SLC4A7: variants seen among roughly 807,000 people sequenced by gnomAD.
The protein encoded by SLC4A7 is solute carrier family 4 member 7.
SLC4A7 carries 51 observed loss-of-function variants against 137.6 expected under a neutral mutation model. The ratio of observed to expected loss-of-function variants is 0.37; its 90% CI spans 0.30 to 0.47. SLC4A7 has a LOEUF of 0.47. Among genes scored for constraint, SLC4A7 ranks in the 20% least tolerant of loss-of-function variants. The pLI, the probability that SLC4A7 is intolerant of heterozygous loss-of-function variation, is 1.00. For synonymous variants in SLC4A7, 542 were observed against 518.6 expected (o/e 1.05, Z -0.61); for missense variants, 1,247 against 1,525.4 (o/e 0.82, Z 3.04).
chr3:27,461,208 G>GCACACA lies in SLC4A7; in HGVS notation c.61-8716_61-8711dup, dbSNP rs57056562. On this transcript the variant is annotated intron_variant, in intron 1 of 25. Coordinates refer to ENST00000454389, the MANE Select transcript of SLC4A7 (RefSeq NM_001321103.2). ...CTAGAATGACAGATTCATCCAATTA[G>GCACACA]CACACACACACACACACACACACAC... Among the ~76,000 whole-genome samples the GCACACA allele has an allele frequency of 6.2e-3, 928 of 149,986 alleles. 11 individuals are homozygous for GCACACA. The highest frequency in any genetic ancestry group is 0.022 in the African/African-American group (882 of 40,730).
At chr3:27,481,160 A>G (rs6770539) in intron 1 of SLC4A7, among the ~76,000 whole-genome samples, 4 of 152,202 alleles carry the variant, frequency 2.6e-5, no homozygotes, top group African/African-American at 9.6e-5. Flanking sequence ...GGAAAATAAG[A>G]CTGACAACAA....
rs2055658555 is a variant in SLC4A7 at position 27,426,635 on chromosome 3, GAGA to G, written c.1151-2486_1151-2484del. On this transcript the variant is annotated intron_variant, in intron 7 of 25. Coordinates refer to ENST00000454389, the MANE Select transcript of SLC4A7 (RefSeq NM_001321103.2). The stretch of plus-strand genomic sequence containing the variant: ...GGAAAAGTAAGGATATGCCAGCAAT[GAGA>G]AGAAGAAATAATGAAGAACTCAACA... Among the ~76,000 whole-genome samples, 4 of 152,186 alleles carry G rather than the reference GAGA, an allele frequency of 2.6e-5. No homozygotes were observed. The South Asian group carries it at 8.3e-4, about 32-fold the overall frequency.
intron 1 of SLC4A7, among the ~76,000 whole-genome samples, chr3:27,465,561 C>A (rs1479596371): frequency 6.7e-6 from 1 of 149,998 alleles, no homozygotes; most frequent in Non-Finnish European, 1.5e-5. Flanking sequence ...TTTTTGAAAT[C>A]TTAAATTCAG....
chr3:27,424,218 C>A, intron 7 of SLC4A7, 66 bp from the exon 8 acceptor site: 1 of 775,578 alleles, frequency 1.3e-6, no homozygotes. Context: ...ATTCTGCTCA[C>A]ATTCTGAAAG....
intron 4 of SLC4A7, 37 bp downstream of exon 4, chr3:27,437,351 C>CA (rs538588474): frequency 0.088 from 90,123 of 1,029,566 alleles, 75 homozygotes; most frequent in Non-Finnish European, 0.094. Flanking sequence ...AACTCCATCT[C>CA]AAAAAAAAAA....
intron 3 of SLC4A7, among the ~76,000 whole-genome samples, chr3:27,443,746 G>T (rs2057393877): frequency 6.6e-6 from 1 of 152,100 alleles, no homozygotes; most frequent in Non-Finnish European, 1.5e-5. Context: ...GTACATACCA[G>T]AACTGTCCTT....
chr3:27,436,182 C>T (rs1393414670), intron 5 of SLC4A7, among the ~76,000 whole-genome samples: 2 of 152,178 alleles, frequency 1.3e-5, no homozygotes, highest in Non-Finnish European at 1.5e-5. Context: ...ACTCTGTATT[C>T]GCTTGTGCCA....
chr3:27,428,940 G>A (rs1001371516), intron 7 of SLC4A7, among the ~76,000 whole-genome samples: 1 of 152,112 alleles, frequency 6.6e-6, no homozygotes, highest in Non-Finnish European at 1.5e-5. Flanking sequence ...GTCAACATAA[G>A]GATAAACCAA....
At position 27,471,903 on chromosome 3, in the gene SLC4A7, A is replaced by G. The variant is rs1288826593; in HGVS notation, c.60+12164T>C. Among the ~76,000 whole-genome samples, 3 of 152,326 alleles carry G rather than the reference A, an allele frequency of 2.0e-5. No individual in the cohort carries two copies. In the East Asian group the frequency reaches 5.8e-4, roughly 29 times the overall value. ...GCTCATTTTTTACACTTTATATGCC[A>G]TTCCTGTGAGGCCGATTGAAAAAGC... On this transcript the variant is annotated intron_variant, in intron 1 of 25. Transcript: ENST00000454389.
intron 10 of SLC4A7, 23 bp downstream of exon 10, chr3:27,420,677 G>A: frequency 3.5e-6 from 5 of 1,442,010 alleles, no homozygotes; most frequent in Non-Finnish European, 4.9e-6. Context: ...CTACTTCAAA[G>A]AGACTTGGAG....
chr3:27,394,739 T>A lies in SLC4A7; in HGVS notation c.2896A>T (p.Met966Leu). The A allele has an allele frequency of 6.2e-7, 1 of 1,614,132 alleles. No individual in the cohort carries two copies. Among genetic ancestry groups the A allele is most frequent in the Non-Finnish European group, 8.5e-7 (1 of 1,179,990 alleles). The change falls in exon 20 of 26, where the codon ATG (methionine) becomes TTG (leucine). Residue 966 changes from methionine (M) to leucine (L), a missense_variant. Met to Leu is a conservative substitution (Grantham distance 15). Transcript: ENST00000454389. ...CAAACTCCCAACATAACGCCAACCA[T>A]GAGCAAATCAAGGTGATAGCCAGCT... ...KGAGYHLDLL[M>L]VGVMLGVCSV... is the part of the protein sequence containing the mutation.
intron 3 of SLC4A7, among the ~76,000 whole-genome samples, chr3:27,444,399 ATCTTT>A (rs2057435459): frequency 6.6e-6 from 1 of 152,158 alleles, no homozygotes; most frequent in African/African-American, 2.4e-5. Flanking sequence ...TTTTTCAAGT[ATCTTT>A]TCTGATATCC....
chr3:27,477,460 C>T (rs941496442), intron 1 of SLC4A7, among the ~76,000 whole-genome samples: 8 of 152,204 alleles, frequency 5.3e-5, no homozygotes, highest in Admixed American at 5.2e-4. Flanking sequence ...TCTGAACCCA[C>T]GGTTGATACC....
intron 3 of SLC4A7, 60 bp from the exon 4 acceptor site, chr3:27,437,586 T>G (rs2056835591): frequency 8.6e-7 from 1 of 1,167,502 alleles, no homozygotes. Flanking sequence ...CAAAGATAAA[T>G]TCACAGTTTT....
chr3:27,418,640 A>G lies in SLC4A7; in HGVS notation c.1513-8T>C. On this transcript the variant is annotated splice_polypyrimidine_tract_variant and splice_region_variant and intron_variant, in intron 10 of 25. Coordinates refer to ENST00000454389, the MANE Select transcript of SLC4A7 (RefSeq NM_001321103.2). The stretch of plus-strand genomic sequence containing the variant: ...AGCTACATCATGGAAAATCTAAGTG[A>G]AAAAAATATTGAGTAAAAGATTTTA... 6.5e-7 allele frequency: 1 copy of G among 1,542,292 alleles called. No homozygotes were observed. Among genetic ancestry groups the G allele is most frequent in the Non-Finnish European group, 8.9e-7 (1 of 1,127,756 alleles).
chr3:27,410,306 T>C (rs1435138851), intron 12 of SLC4A7, among the ~76,000 whole-genome samples: 1 of 152,132 alleles, frequency 6.6e-6, no homozygotes, highest in Non-Finnish European at 1.5e-5. Flanking sequence ...TTATCTACAG[T>C]GTCTAGAACA....
chr3:27,378,869 T>C (rs565170503), intron 25 of SLC4A7, among the ~76,000 whole-genome samples: 1 of 152,380 alleles, frequency 6.6e-6, no homozygotes, highest in South Asian at 2.1e-4. Context: ...CATACTGCTA[T>C]ATGAAATTTA....
intron 7 of SLC4A7, among the ~76,000 whole-genome samples, chr3:27,429,842 C>T (rs2056083285): frequency 6.6e-6 from 1 of 151,170 alleles, no homozygotes; most frequent in African/African-American, 2.4e-5. Context: ...GAGTAAGAAC[C>T]TGTCTCTCCA....
chr3:27,391,837 T>C, intron 20 of SLC4A7, 29 bp from the exon 21 acceptor site: 1 of 1,320,084 alleles, frequency 7.6e-7, no homozygotes, highest in Non-Finnish European at 1.1e-6. Context: ...CAATTAGAAC[T>C]CATGAGTAGT....
Sources: allele counts gnomAD v4.1 joint callset (sites outside exome capture counted in the v4.1 genomes callset), GRCh38; gene constraint gnomAD v4.1.1; transcripts MANE v1.5; gene names NCBI Gene and HGNC (gene_info 2026-07-23, HGNC 2026-07-21).